The following NDUFAF7 variants were observed in gnomAD, a reference collection of about 807,000 sequenced individuals.
The protein encoded by NDUFAF7 is protein arginine methyltransferase NDUFAF7, mitochondrial.
A neutral mutation model predicts 47.2 loss-of-function variants in NDUFAF7; 48 were observed. The ratio of observed to expected loss-of-function variants is 1.02; its 90% confidence interval spans 0.81 to 1.29. The LOEUF (loss-of-function observed/expected upper bound fraction) is 1.29. Among genes scored for constraint, NDUFAF7 ranks in the 50% most tolerant of loss-of-function variants. NDUFAF7 has a pLI of 0.00. For synonymous variants in NDUFAF7, 217 were observed against 190.0 expected, an observed-to-expected ratio of 1.14 and a Z score of -1.17; for missense variants, 635 against 537.6, an observed-to-expected ratio of 1.18 and a Z score of -1.79.
Position 37,247,565 on chromosome 2 carries a change from C to A in NDUFAF7, c.1046C>A (p.Ala349Asp), listed in dbSNP as rs774786706. 1 of 1,613,974 alleles carries A rather than the reference C, an allele frequency of 6.2e-7. No homozygotes were observed. The highest frequency in any genetic ancestry group is 1.7e-5 in the Admixed American group (1 of 59,996). Reference protein sequence around the residue: ...YLRRMAQGKVASLGPIKQHTF... With the variant: ...YLRRMAQGKVDSLGPIKQHTF... ...CGAAGAATGGCACAGGGAAAAGTAGCCTCTCTGGGCCCAATAAAACAACAC... is the reference window on the plus strand; with the variant it reads ...CGAAGAATGGCACAGGGAAAAGTAGACTCTCTGGGCCCAATAAAACAACAC... Residue 349 changes from alanine (A) to aspartate (D), a missense_variant, in exon 9 of 10, where the codon GCC (alanine) becomes GAC (aspartate). Physicochemically the swap from Ala to Asp is moderately radical, Grantham distance 126. Coordinates refer to ENST00000002125, the MANE Select transcript of NDUFAF7 (RefSeq NM_144736.5).
chr2:37,254,131 C>A, downstream of NDUFAF7: 1 of 1,099,292 alleles, frequency 9.1e-7, no homozygotes, highest in Non-Finnish European at 1.4e-6. Context: ...TTAGAGTGGT[C>A]TCATTAGGTG....
the NDUFAF7 span, chr2:37,259,563 G>C: frequency 6.4e-7 from 1 of 1,567,728 alleles, no homozygotes; most frequent in Non-Finnish European, 8.7e-7. Flanking sequence ...TCATTTAAAA[G>C]GTTCTGGAGA....
chr2:37,247,768 A>T, intron 9 of NDUFAF7, 139 bp downstream of exon 9: 1 of 1,022,158 alleles, frequency 9.8e-7, no homozygotes, highest in Non-Finnish European at 1.5e-6. Flanking sequence ...GTAGTATAGG[A>T]TTTAGTAACT....
the NDUFAF7 span, among the ~76,000 whole-genome samples, chr2:37,262,669 C>A: frequency 7.0e-6 from 1 of 142,278 alleles, no homozygotes; most frequent in African/African-American, 2.8e-5. Context: ...AGTTGGCTGG[C>A]TCTATGCTTT....
Position 37,248,168 on chromosome 2 carries a change from A to C in NDUFAF7, c.1144A>C (p.Arg382=), listed in dbSNP as rs747305196. The C allele has an allele frequency of 1.2e-6, 2 of 1,614,044 alleles. No individual in the cohort carries two copies. The highest frequency in any genetic ancestry group is 3.3e-4 in the Middle Eastern group (2 of 6,062). The change falls in exon 10 of 10, where the codon AGG becomes CGG. Residue 382 remains arginine (R), a synonymous_variant. Transcript: ENST00000002125. ...AGATAAATCAAATGAGCCATCAGTG[A>C]GGCAGCAGTTACTTCAAGGATATGA... ...LLDKSNEPSV[R]QQLLQGYDML...
intron 2 of NDUFAF7, among the ~76,000 whole-genome samples, chr2:37,233,069 G>C (rs570216133): frequency 6.6e-6 from 1 of 152,184 alleles, no homozygotes; most frequent in African/African-American, 2.4e-5. Context: ...TAGTGTGGTG[G>C]TACTAGAAAT....
chr2:37,257,810 G>C (rs891966268), downstream of NDUFAF7, among the ~76,000 whole-genome samples: 1 of 152,032 alleles, frequency 6.6e-6, no homozygotes, highest in Non-Finnish European at 1.5e-5. Flanking sequence ...ATTTTAAATG[G>C]GGACACCAGT....
chr2:37,269,986 G>C, the NDUFAF7 span, among the ~76,000 whole-genome samples: 2 of 152,174 alleles, frequency 1.3e-5, no homozygotes, highest in African/African-American at 4.8e-5. Flanking sequence ...CCAGCACTTT[G>C]GGAGGCTGAG....
At chr2:37,251,454 T>C (rs1394873991), downstream of NDUFAF7, 2 of 152,594 alleles carry the variant, frequency 1.3e-5, no homozygotes, top group Non-Finnish European at 2.9e-5. Context: ...GACTTAACAC[T>C]ATGGCTGCTG....
chr2:37,250,150 A>G (rs949736501), downstream of NDUFAF7, among the ~76,000 whole-genome samples: 2 of 150,898 alleles, frequency 1.3e-5, no homozygotes, highest in African/African-American at 5.0e-5. Flanking sequence ...CCCTGCACTA[A>G]AGTAAAGGAA....
At chr2:37,263,187 AAGAC>A in the NDUFAF7 span, among the ~76,000 whole-genome samples, 2 of 152,068 alleles carry the variant, frequency 1.3e-5, no homozygotes, top group African/African-American at 4.8e-5. Context: ...CTTTTTCTGA[AAGAC>A]AGTACAAAGG....
At chr2:37,258,541 A>G in the NDUFAF7 span, among the ~76,000 whole-genome samples, 10 of 152,226 alleles carry the variant, frequency 6.6e-5, no homozygotes, top group Non-Finnish European at 1.5e-4. Flanking sequence ...TCACTAAAAT[A>G]GAGGTCAGAA....
intron 3 of NDUFAF7, among the ~76,000 whole-genome samples, chr2:37,237,243 T>G (rs1305324077): frequency 6.6e-6 from 1 of 152,254 alleles, no homozygotes; most frequent in Non-Finnish European, 1.5e-5. Flanking sequence ...GTGCTGGGAT[T>G]ATAGGCGTGA....
chr2:37,239,361 C>T (rs1053865264), intron 4 of NDUFAF7, among the ~76,000 whole-genome samples: 12 of 152,236 alleles, frequency 7.9e-5, no homozygotes, highest in African/African-American at 1.7e-4. Context: ...TGAAGTGGTC[C>T]GCCTGCCTCG....
chr2:37,257,276 T>C (rs1668027223), downstream of NDUFAF7, among the ~76,000 whole-genome samples: 1 of 152,154 alleles, frequency 6.6e-6, no homozygotes, highest in African/African-American at 2.4e-5. Context: ...CACTCTTCCA[T>C]CATCTGTGAG....
intron 7 of NDUFAF7, among the ~76,000 whole-genome samples, chr2:37,244,484 C>T (rs113346334): frequency 1.2e-4 from 19 of 152,116 alleles, no homozygotes; most frequent in African/African-American, 3.4e-4. Context: ...CAGTTTGATT[C>T]GGCCAGAATG....
At chr2:37,250,399 C>G (rs1667391375), downstream of NDUFAF7, 1 of 152,204 alleles carries the variant, frequency 6.6e-6, no homozygotes, top group South Asian at 2.1e-4. Context: ...AGGTTTTTAA[C>G]TTTTTAAAGC....
At chr2:37,243,167 TG>T (rs1220308135) in intron 6 of NDUFAF7, among the ~76,000 whole-genome samples, 2 of 151,900 alleles carry the variant, frequency 1.3e-5, no homozygotes, top group Non-Finnish European at 2.9e-5. Flanking sequence ...TAAACTTTTT[TG>T]GGCCAGGCAT....
downstream of NDUFAF7, among the ~76,000 whole-genome samples, chr2:37,253,568 G>C (rs1362997627): frequency 1.3e-5 from 2 of 152,024 alleles, no homozygotes; most frequent in African/African-American, 4.8e-5. Flanking sequence ...ATGAATGAAC[G>C]TAACTAATTT....
Sources: allele counts gnomAD v4.1 joint callset (sites outside exome capture counted in the v4.1 genomes callset), GRCh38; gene constraint gnomAD v4.1.1; transcripts MANE v1.5; gene names NCBI Gene and HGNC (gene_info 2026-07-23, HGNC 2026-07-21).